MSRA: variants seen among roughly 807,000 people sequenced by gnomAD.
MSRA encodes the protein mitochondrial peptide methionine sulfoxide reductase.
A neutral mutation model predicts 31.3 loss-of-function variants in MSRA; 54 were observed. The ratio of observed to expected loss-of-function variants is 1.73; its 90% confidence interval spans 1.39 to 2.17. The LOEUF (loss-of-function observed/expected upper bound fraction) is 2.17. Ranked by LOEUF, MSRA falls within the 30% of genes most tolerant of loss-of-function variation. MSRA has a pLI of 0.00. For synonymous variants in MSRA, 169 were observed against 116.5 expected (o/e 1.45, Z -2.90); for missense variants, 507 against 300.9 (o/e 1.69, Z -5.07).
At chr8:10,254,201 G>A (rs1798061062) in intron 3 of MSRA, among the ~76,000 whole-genome samples, 1 of 152,182 alleles carries the variant, frequency 6.6e-6, no homozygotes, top group Non-Finnish European at 1.5e-5. Context: ...CTTTGAGAAT[G>A]GGAGGTAGCA....
chr8:10,236,626 C>T (rs187479542), intron 2 of MSRA, among the ~76,000 whole-genome samples: 1 of 152,216 alleles, frequency 6.6e-6, no homozygotes, highest in South Asian at 2.1e-4. Context: ...CTCGCTGCAA[C>T]CTCTGCCTCC....
intron 5 of MSRA, among the ~76,000 whole-genome samples, chr8:10,389,944 T>G (rs1261316458): frequency 1.3e-5 from 2 of 152,186 alleles, no homozygotes; most frequent in African/African-American, 4.8e-5. Flanking sequence ...ATTCTGCTTT[T>G]GACCCACCTG....
intron 1 of MSRA, among the ~76,000 whole-genome samples, chr8:10,070,521 C>G (rs1190276371): frequency 6.6e-6 from 1 of 152,142 alleles, no homozygotes; most frequent in Non-Finnish European, 1.5e-5. Flanking sequence ...GCCTGGTTTC[C>G]TCAGTGGTAC....
intron 2 of MSRA, among the ~76,000 whole-genome samples, chr8:10,238,600 C>G (rs1356006649): frequency 1.3e-5 from 2 of 152,080 alleles, no homozygotes; most frequent in African/African-American, 2.4e-5. Flanking sequence ...ACAGAAAGCC[C>G]AGAAACGGGA....
chr8:10,369,501 A>T (rs1473525411), intron 5 of MSRA, among the ~76,000 whole-genome samples: 1 of 152,226 alleles, frequency 6.6e-6, no homozygotes, highest in Non-Finnish European at 1.5e-5. Context: ...TGTCACACCC[A>T]GTGAAGACTT....
At chr8:10,146,710 T>TA (rs1255219053) in intron 1 of MSRA, among the ~76,000 whole-genome samples, 15 of 151,834 alleles carry the variant, frequency 9.9e-5, no homozygotes, top group Admixed American at 5.9e-4. Flanking sequence ...AGGTGTTATT[T>TA]TAAAAAAAAA....
intron 4 of MSRA, among the ~76,000 whole-genome samples, chr8:10,307,930 T>C (rs1801228283): frequency 6.6e-6 from 1 of 152,214 alleles, no homozygotes; most frequent in African/African-American, 2.4e-5. Context: ...ATTCTGACTA[T>C]GGGGGCCTTA....
At chr8:10,192,895 C>T (rs1405343186) in intron 1 of MSRA, among the ~76,000 whole-genome samples, 1 of 152,188 alleles carries the variant, frequency 6.6e-6, no homozygotes, top group African/African-American at 2.4e-5. Context: ...ATCTCAGACA[C>T]CCATTTCATA....
At chr8:10,209,663 T>C (rs1809304490) in intron 2 of MSRA, among the ~76,000 whole-genome samples, 1 of 152,240 alleles carries the variant, frequency 6.6e-6, no homozygotes, top group Non-Finnish European at 1.5e-5. Context: ...TTCCCCTCTC[T>C]AAGCCTCCGC....
At chr8:10,117,544 T>G (rs1250336526) in intron 1 of MSRA, among the ~76,000 whole-genome samples, 1 of 152,202 alleles carries the variant, frequency 6.6e-6, no homozygotes, top group Admixed American at 6.5e-5. Context: ...ATGTGGGGTA[T>G]TAGAATGAAT....
intron 1 of MSRA, among the ~76,000 whole-genome samples, chr8:10,103,694 C>G (rs999825425): frequency 6.6e-6 from 1 of 151,892 alleles, no homozygotes; most frequent in Non-Finnish European, 1.5e-5. Context: ...TTCCAATAGA[C>G]TGTTTTATAT....
intron 1 of MSRA, among the ~76,000 whole-genome samples, chr8:10,076,417 T>G (rs1279655673): frequency 1.3e-5 from 2 of 152,210 alleles, no homozygotes; most frequent in South Asian, 2.1e-4. Flanking sequence ...TCCAGCCTTC[T>G]TTTTGGGAGA....
chr8:10,256,090 T>C (rs995318310), intron 3 of MSRA, among the ~76,000 whole-genome samples: 2 of 152,124 alleles, frequency 1.3e-5, no homozygotes, highest in Non-Finnish European at 2.9e-5. Context: ...TACAGAGTAA[T>C]TTCACTGCCC....
chr8:10,187,706 ATTG>A (rs1807173127), intron 1 of MSRA, among the ~76,000 whole-genome samples: 1 of 152,240 alleles, frequency 6.6e-6, no homozygotes, highest in Admixed American at 6.5e-5. Flanking sequence ...ATTTGCTATT[ATTG>A]TTTTTAAATT....
At chr8:10,123,292 T>C (rs1057495008) in intron 1 of MSRA, among the ~76,000 whole-genome samples, 4 of 152,244 alleles carry the variant, frequency 2.6e-5, no homozygotes, top group African/African-American at 9.6e-5. Flanking sequence ...GTTGAACTTC[T>C]TTTTTATATG....
intron 2 of MSRA, among the ~76,000 whole-genome samples, chr8:10,230,998 G>A (rs549376551): frequency 8.5e-5 from 13 of 152,268 alleles, no homozygotes; most frequent in South Asian, 2.1e-4. Flanking sequence ...TTGGCCAGGC[G>A]AGTCTCGAAC....
chr8:10,127,859 T>G (rs1386219077), intron 1 of MSRA, among the ~76,000 whole-genome samples: 1 of 152,168 alleles, frequency 6.6e-6, no homozygotes, highest in Non-Finnish European at 1.5e-5. Flanking sequence ...TTCAAGTATT[T>G]TTTTTTTCAG....
chr8:10,282,583 C>T (rs1207190860), intron 3 of MSRA, among the ~76,000 whole-genome samples: 1 of 152,186 alleles, frequency 6.6e-6, no homozygotes, highest in African/African-American at 2.4e-5. Context: ...CATAGTGGCA[C>T]TGTGCTTGAT....
chr8:10,209,599 G>C (rs937936723), intron 2 of MSRA, among the ~76,000 whole-genome samples: 2 of 151,966 alleles, frequency 1.3e-5, no homozygotes, highest in Non-Finnish European at 2.9e-5. Flanking sequence ...GTTTATAGCG[G>C]CTTCCTCAAC....
Sources: gnomAD v4.1 joint callset for allele counts (sites outside exome capture counted in the v4.1 genomes callset) on GRCh38, gnomAD v4.1.1 for gene constraint, MANE v1.5 for transcripts, NCBI Gene and HGNC (gene_info 2026-07-23, HGNC 2026-07-21) for gene names.